PPP1R12B: variants seen among roughly 807,000 people sequenced by gnomAD.
PPP1R12B encodes the protein protein phosphatase 1 regulatory subunit 12B.
In PPP1R12B, 76 loss-of-function variants were observed where a neutral mutation model predicts 126.1. The ratio of observed to expected loss-of-function variants is 0.60; its 90% confidence interval spans 0.50 to 0.73. The LOEUF is 0.73. Among genes scored for constraint, PPP1R12B ranks in the 30% least tolerant of loss-of-function variants. The pLI is 0.00. For synonymous variants in PPP1R12B, 356 were observed against 434.7 expected, an observed-to-expected ratio of 0.82 and a Z score of 2.25; for missense variants, 1,052 against 1,205.1, an observed-to-expected ratio of 0.87 and a Z score of 1.88.
intron 18 of PPP1R12B, among the ~76,000 whole-genome samples, chr1:202,530,860 T>A (rs1683858759): frequency 6.6e-6 from 1 of 152,240 alleles, no homozygotes; most frequent in Non-Finnish European, 1.5e-5. Context: ...AGAACATGTG[T>A]CAAAGGCCCT....
intron 6 of PPP1R12B, among the ~76,000 whole-genome samples, chr1:202,430,323 G>T (rs1353848112): frequency 6.6e-5 from 10 of 152,186 alleles, no homozygotes; most frequent in Admixed American, 6.5e-4. Flanking sequence ...CATCTAAATA[G>T]CAGACCATTT....
intron 1 of PPP1R12B, among the ~76,000 whole-genome samples, chr1:202,368,308 C>T (rs777866237): frequency 2.0e-5 from 3 of 152,068 alleles, no homozygotes; most frequent in African/African-American, 7.2e-5. Flanking sequence ...CACTGCCCCC[C>T]GCAACCTTGC....
chr1:202,364,563 AATTT>A (rs1658794317), intron 1 of PPP1R12B, among the ~76,000 whole-genome samples: 1 of 151,600 alleles, frequency 6.6e-6, no homozygotes, highest in Non-Finnish European at 1.5e-5. Context: ...TTTTTTAATT[AATTT>A]ATTTATTTTT....
At chr1:202,516,535 GT>G (rs1320032842) in intron 18 of PPP1R12B, among the ~76,000 whole-genome samples, 1 of 152,008 alleles carries the variant, frequency 6.6e-6, no homozygotes, top group Non-Finnish European at 1.5e-5. Flanking sequence ...ACTCATCTGC[GT>G]ATAACGATTT....
chr1:202,439,037 G>A, intron 10 of PPP1R12B: 6 of 1,373,984 alleles, frequency 4.4e-6, no homozygotes, highest in Non-Finnish European at 6.2e-6. Context: ...CCAGTGGGCG[G>A]ACTTCATCCT....
At chr1:202,474,728 C>T (rs1676414777) in intron 13 of PPP1R12B, among the ~76,000 whole-genome samples, 1 of 151,868 alleles carries the variant, frequency 6.6e-6, no homozygotes, top group African/African-American at 2.4e-5. Context: ...TAATCAGTAG[C>T]CATGTGTGGC....
chr1:202,569,690 A>G (rs1419860957), intron 23 of PPP1R12B, among the ~76,000 whole-genome samples: 4 of 152,198 alleles, frequency 2.6e-5, no homozygotes, highest in Admixed American at 2.6e-4. Flanking sequence ...GTATTCACAT[A>G]TTGATTTCCT....
chr1:202,367,749 A>G lies in PPP1R12B; in HGVS notation c.291+18607A>G, dbSNP rs114172831. ...GTAAATTTTACATATAGTAAAATGC[A>G]TAGAACTTAAATCTACAGTTTGATG... On this transcript the variant is annotated intron_variant, in intron 1 of 23. Transcript: ENST00000608999. Among the ~76,000 whole-genome samples the G allele has an allele frequency of 4.5e-3, 691 of 152,280 alleles. 6 individuals are homozygous for G. Among genetic ancestry groups the G allele is most frequent in the African/African-American group, 0.016 (663 of 41,558 alleles).
At chr1:202,483,278 CTTT>C (rs71281161) in intron 13 of PPP1R12B, among the ~76,000 whole-genome samples, 1 of 118,498 alleles carries the variant, frequency 8.4e-6, no homozygotes, top group African/African-American at 3.1e-5. Context: ...TGAAGAACAC[CTTT>C]TTTTTTTTTT....
chr1:202,544,703 T>C (rs529111363), intron 18 of PPP1R12B, among the ~76,000 whole-genome samples: 2 of 152,332 alleles, frequency 1.3e-5, no homozygotes, highest in South Asian at 4.1e-4. Context: ...AGTTCTAACA[T>C]GTCAATTTAA....
intron 14 of PPP1R12B, among the ~76,000 whole-genome samples, chr1:202,491,506 T>C (rs1558294401): frequency 6.6e-6 from 1 of 152,316 alleles, no homozygotes; most frequent in South Asian, 2.1e-4. Flanking sequence ...GGCTATACTT[T>C]AGCTCATCTT....
At chr1:202,559,849 C>T (rs892751654) in intron 19 of PPP1R12B, among the ~76,000 whole-genome samples, 5 of 152,124 alleles carry the variant, frequency 3.3e-5, no homozygotes, top group East Asian at 1.9e-4. Context: ...GGTATTTTGC[C>T]GTAATCTTTT....
At chr1:202,535,448 C>T (rs1310106827) in intron 18 of PPP1R12B, among the ~76,000 whole-genome samples, 1 of 152,044 alleles carries the variant, frequency 6.6e-6, no homozygotes, top group African/African-American at 2.4e-5. Flanking sequence ...CAATGAGAGT[C>T]GATGATTAGT....
chr1:202,383,076 A>C (rs899154327), intron 1 of PPP1R12B, among the ~76,000 whole-genome samples: 1 of 152,222 alleles, frequency 6.6e-6, no homozygotes, highest in Non-Finnish European at 1.5e-5. Flanking sequence ...CAAGTAACTA[A>C]AAAATTTCAA....
At chr1:202,438,080 A>G (rs776523347) in intron 10 of PPP1R12B, 56 bp downstream of exon 10, 1 of 1,603,678 alleles carries the variant, frequency 6.2e-7, no homozygotes, top group African/African-American at 1.3e-5. Context: ...TTCCATGAAA[A>G]TTCAATCTTA....
At chr1:202,388,535 C>CT (rs1432744554) in intron 1 of PPP1R12B, among the ~76,000 whole-genome samples, 1 of 152,024 alleles carries the variant, frequency 6.6e-6, no homozygotes, top group Non-Finnish European at 1.5e-5. Flanking sequence ...AAATATAATA[C>CT]TTTATTATAA....
Position 202,489,017 on chromosome 1 carries a change from C to T in PPP1R12B, c.1941+394C>T, listed in dbSNP as rs141371262. 2.5e-4 allele frequency among the ~76,000 whole-genome samples: 38 copies of T among 152,188 alleles called. No homozygotes were observed. In the East Asian group the frequency reaches 6.4e-3, roughly 26 times the overall value. On this transcript the variant is annotated intron_variant, in intron 14 of 23. Transcript: ENST00000608999. ...AAGATTGCGCCACTGCCCTCCTGGG[C>T]GACAGAGCGAGACTCCATCTCAAAA...
chr1:202,376,672 T>G (rs148649699), intron 1 of PPP1R12B, among the ~76,000 whole-genome samples: 22 of 152,314 alleles, frequency 1.4e-4, no homozygotes, highest in African/African-American at 5.1e-4. Flanking sequence ...ATCATTTATT[T>G]GATGTAAAAA....
At chr1:202,476,740 A>G (rs1238272533) in intron 13 of PPP1R12B, among the ~76,000 whole-genome samples, 2 of 152,046 alleles carry the variant, frequency 1.3e-5, no homozygotes, top group Non-Finnish European at 2.9e-5. Context: ...CATCTATAAA[A>G]GCTATATACT....
Sources: allele counts gnomAD v4.1 joint callset (sites outside exome capture counted in the v4.1 genomes callset), GRCh38; gene constraint gnomAD v4.1.1; transcripts MANE v1.5; gene names NCBI Gene and HGNC (gene_info 2026-07-23, HGNC 2026-07-21).